Variants in GLCCI1 observed in about 807,000 individuals in gnomAD.
GLCCI1 encodes the protein glucocorticoid induced 1.
In GLCCI1, 24 loss-of-function variants were observed where a neutral mutation model predicts 52.2. The ratio of observed to expected loss-of-function variants is 0.46; its 90% CI spans 0.33 to 0.65. GLCCI1 has a LOEUF of 0.65. GLCCI1 is among the 30% of genes least tolerant of loss of function. The pLI is 0.02. For synonymous variants in GLCCI1, 310 were observed against 276.5 expected (o/e 1.12, Z -1.20); for missense variants, 704 against 701.5 (o/e 1.00, Z -0.04).
chr7:8,012,028 G>C (rs961020328), intron 2 of GLCCI1, among the ~76,000 whole-genome samples: 2 of 152,010 alleles, frequency 1.3e-5, no homozygotes, highest in Non-Finnish European at 2.9e-5. Flanking sequence ...TGTTAGCCAG[G>C]ATGGTCTCAA....
At chr7:7,970,716 G>T (rs968531587) in intron 1 of GLCCI1, among the ~76,000 whole-genome samples, 2 of 152,152 alleles carry the variant, frequency 1.3e-5, no homozygotes, top group Admixed American at 1.3e-4. Context: ...CACAGTGCAT[G>T]ATTTAGTTGA....
chr7:8,004,469 A>G (rs1262918392), intron 2 of GLCCI1, among the ~76,000 whole-genome samples: 3 of 152,224 alleles, frequency 2.0e-5, no homozygotes, highest in Non-Finnish European at 4.4e-5. Flanking sequence ...TTTTCTGTTT[A>G]AAACCAAGAC....
chr7:7,985,837 A>AT (rs531561198), intron 1 of GLCCI1, among the ~76,000 whole-genome samples: 38 of 152,304 alleles, frequency 2.5e-4, no homozygotes, highest in Non-Finnish European at 4.6e-4. Context: ...AAATGTATCA[A>AT]TTTTCTCTGC....
At chr7:8,042,107 C>T (rs1390674618) in intron 3 of GLCCI1, among the ~76,000 whole-genome samples, 1 of 152,182 alleles carries the variant, frequency 6.6e-6, no homozygotes, top group Admixed American at 6.5e-5. Flanking sequence ...CAAAATATTA[C>T]TGCTTATTGA....
intron 1 of GLCCI1, among the ~76,000 whole-genome samples, chr7:7,992,107 T>TTC (rs60234956): frequency 0.036 from 5,067 of 141,388 alleles, 171 homozygotes; most frequent in East Asian, 0.11. Flanking sequence ...TTCTGTCTGT[T>TTC]TCTCTCTCTC....
chr7:8,060,142 T>C lies in GLCCI1; in HGVS notation c.860T>C (p.Val287Ala). 1 of 1,613,802 alleles carries C rather than the reference T, an allele frequency of 6.2e-7. No individual in the cohort carries two copies. The highest frequency in any genetic ancestry group is 1.1e-5 in the South Asian group (1 of 91,046). Residue 287 changes from valine (V) to alanine (A), a missense_variant, in exon 5 of 8, where the codon GTG (valine) becomes GCG (alanine). This residue lies in a region of GLCCI1 where 547 missense variants were observed against 524.8 expected (regional missense o/e 1.04). Transcript: ENST00000223145. The stretch of plus-strand genomic sequence containing the variant: ...CCTATGCCACTGTCAAATATATCAG[T>C]GCCAAAATCATCTGTTTCGCGTGTG... The part of the protein sequence containing the change: ...SVPMPLSNIS[V>A]PKSSVSRVPC...
At position 8,064,286 on chromosome 7, in the gene GLCCI1, G is replaced by T. The variant is rs746962444; in HGVS notation, c.966+4038G>T. On this transcript the variant is annotated intron_variant, in intron 5 of 7. Coordinates refer to ENST00000223145, the MANE Select transcript of GLCCI1 (RefSeq NM_138426.4). ...TCTTGAATTTATTTTTGTATATGGT[G>T]TGAGGAAGGTATCCAGTTTCAGTCT... is the stretch of plus-strand genomic sequence containing the variant. Among the ~76,000 whole-genome samples, 4 of 152,296 alleles carry T rather than the reference G, an allele frequency of 2.6e-5. No homozygotes were observed. In the South Asian group the frequency reaches 6.2e-4, roughly 24 times the overall value.
intron 6 of GLCCI1, among the ~76,000 whole-genome samples, chr7:8,079,581 A>C (rs1782951270): frequency 6.6e-6 from 1 of 151,540 alleles, no homozygotes; most frequent in South Asian, 2.1e-4. Context: ...TTAGCATATC[A>C]ACAATAATGA....
intron 1 of GLCCI1, among the ~76,000 whole-genome samples, chr7:7,972,593 A>G (rs999955042): frequency 5.9e-5 from 9 of 152,182 alleles, no homozygotes; most frequent in African/African-American, 2.2e-4. Context: ...AAAAATTATG[A>G]AACCACTCAA....
chr7:8,055,732 G>A (rs1215699182), intron 4 of GLCCI1, 183 bp downstream of exon 4: 4 of 442,074 alleles, frequency 9.0e-6, no homozygotes, highest in East Asian at 8.9e-5. Flanking sequence ...GCTCACGCCT[G>A]TAATCCCAGC....
Position 8,022,507 on chromosome 7 carries a change from G to A in GLCCI1, c.634G>A (p.Gly212Ser). Residue 212 changes from glycine (G) to serine (S), a missense_variant, in exon 3 of 8, where the codon GGT becomes AGT. Gly to Ser is a moderately conservative substitution (Grantham distance 56). Around this residue, in one of 3 missense-constraint regions of GLCCI1, gnomAD observed 547 missense variants for 524.8 expected, o/e 1.04. Transcript: ENST00000223145. ...TQTPSCWAEE[G>S]AEKRSHQRSA... Reference sequence around the variant, plus strand: ...GACACCTAGCTGTTGGGCAGAAGAGGGTGCAGAAAAGAGGTCACATCAGCG... The same window carrying A: ...GACACCTAGCTGTTGGGCAGAAGAGAGTGCAGAAAAGAGGTCACATCAGCG... 1.3e-6 allele frequency: 2 copies of A among 1,582,416 alleles called. No homozygotes were observed. Among genetic ancestry groups the A allele is most frequent in the Non-Finnish European group, 1.7e-6 (2 of 1,162,544 alleles).
At chr7:7,988,581 A>G (rs1358531059) in intron 1 of GLCCI1, among the ~76,000 whole-genome samples, 1 of 152,108 alleles carries the variant, frequency 6.6e-6, no homozygotes, top group Non-Finnish European at 1.5e-5. Context: ...TTTTAGGGGT[A>G]GATACGACTT....
At chr7:8,077,206 G>C (rs114039202) in intron 6 of GLCCI1, among the ~76,000 whole-genome samples, 1,729 of 152,250 alleles carry the variant, frequency 0.011, 24 homozygotes, top group African/African-American at 0.039. Flanking sequence ...CTAGGTTCAA[G>C]GAAAAGGGAA....
intron 1 of GLCCI1, chr7:7,981,003 G>C (rs1780602373): frequency 9.3e-6 from 5 of 539,362 alleles, no homozygotes; most frequent in Non-Finnish European, 1.7e-5. Context: ...TCAAACGAAG[G>C]TCAGCCGAAG....
At chr7:7,991,796 TC>T (rs1320348813) in intron 1 of GLCCI1, among the ~76,000 whole-genome samples, 1 of 152,108 alleles carries the variant, frequency 6.6e-6, no homozygotes, top group African/African-American at 2.4e-5. Flanking sequence ...AACTACTATT[TC>T]TTAATGCTTT....
chr7:7,979,585 T>C (rs991113102), intron 1 of GLCCI1, among the ~76,000 whole-genome samples: 3 of 152,232 alleles, frequency 2.0e-5, no homozygotes, highest in South Asian at 4.1e-4. Context: ...TTGCTGCCTT[T>C]ACCTATTATA....
At chr7:8,004,679 C>G (rs1346089378) in intron 2 of GLCCI1, among the ~76,000 whole-genome samples, 1 of 152,060 alleles carries the variant, frequency 6.6e-6, no homozygotes, top group African/African-American at 2.4e-5. Context: ...AAGAAGAATA[C>G]TAAAAATATA....
At chr7:8,039,972 G>A (rs1304196438) in intron 3 of GLCCI1, among the ~76,000 whole-genome samples, 8 of 146,888 alleles carry the variant, frequency 5.4e-5, no homozygotes, top group East Asian at 2.0e-4. Flanking sequence ...ACTCCAGCCC[G>A]GGTGACAGAG....
intron 3 of GLCCI1, among the ~76,000 whole-genome samples, chr7:8,040,532 AC>A (rs1781974908): frequency 7.4e-6 from 1 of 135,824 alleles, no homozygotes; most frequent in Non-Finnish European, 1.5e-5. Flanking sequence ...ATTAACACAC[AC>A]ACACACACAC....
Sources: allele counts gnomAD v4.1 joint callset (sites outside exome capture counted in the v4.1 genomes callset), GRCh38; gene constraint gnomAD v4.1.1; regional missense constraint gnomAD v4.1.1; transcripts MANE v1.5; gene names NCBI Gene and HGNC (gene_info 2026-07-23, HGNC 2026-07-21).